The following CDH13 variants were observed in gnomAD, a reference collection of about 807,000 sequenced individuals.
CDH13 encodes the protein cadherin 13, also known as cadherin-13.
A neutral mutation model predicts 63.8 loss-of-function variants in CDH13; 24 were observed. The ratio of observed to expected loss-of-function variants is 0.38; its 90% CI spans 0.27 to 0.53. CDH13 has a LOEUF of 0.53. CDH13 is among the 20% of genes least tolerant of loss of function. The pLI, the probability that CDH13 is intolerant of heterozygous loss-of-function variation, is 0.85. For synonymous variants in CDH13, 503 were observed against 355.3 expected (o/e 1.42, Z -4.67); for missense variants, 1,049 against 903.1 (o/e 1.16, Z -2.07).
chr16:83,625,154 C>CTG (rs150355903), intron 8 of CDH13, among the ~76,000 whole-genome samples: 2 of 149,614 alleles, frequency 1.3e-5, no homozygotes, highest in South Asian at 2.1e-4. Flanking sequence ...TAAAGAAACT[C>CTG]TGTGTGTGTG....
rs940469850 is a variant in CDH13 at position 83,047,345 on chromosome 16, G to C, written c.366+15127G>C. ...GCATTGTCCATTCTCGTAAACCGTGGTTAACACAGATAATTGAGACTTGAG... is the reference window on the plus strand; with the variant it reads ...GCATTGTCCATTCTCGTAAACCGTGCTTAACACAGATAATTGAGACTTGAG... On this transcript the variant is annotated intron_variant, in intron 3 of 13. Coordinates refer to ENST00000567109, the MANE Select transcript of CDH13 (RefSeq NM_001257.5). This position sits in a 1 kb window ranked among gnomAD's most constrained non-coding sequence, Gnocchi z 4.9. Among the ~76,000 whole-genome samples the C allele has an allele frequency of 6.6e-6, 1 of 152,110 alleles. No homozygotes were observed. The highest frequency in any genetic ancestry group is 2.4e-5 in the African/African-American group (1 of 41,404).
intron 3 of CDH13, among the ~76,000 whole-genome samples, chr16:83,086,006 C>T (rs1792823557): frequency 6.6e-6 from 1 of 152,206 alleles, no homozygotes; most frequent in Non-Finnish European, 1.5e-5. Flanking sequence ...CAAATCAGCA[C>T]AGCCTTCTAC....
chr16:83,774,386 T>C (rs1430195211), intron 11 of CDH13, among the ~76,000 whole-genome samples: 1 of 152,254 alleles, frequency 6.6e-6, no homozygotes, highest in East Asian at 1.9e-4. Context: ...TTTTTTTTTT[T>C]CTTTGAGACA....
At chr16:83,412,742 C>T (rs998585060) in intron 6 of CDH13, among the ~76,000 whole-genome samples, 1 of 152,180 alleles carries the variant, frequency 6.6e-6, no homozygotes, top group Non-Finnish European at 1.5e-5. Flanking sequence ...AAGTCATGAG[C>T]CCCCTTAAGA....
chr16:83,055,567 AG>A (rs2030839070), intron 3 of CDH13, among the ~76,000 whole-genome samples: 1 of 151,992 alleles, frequency 6.6e-6, no homozygotes, highest in African/African-American at 2.4e-5. Flanking sequence ...CCAAAAAAAA[AG>A]AAATATAAAA....
At chr16:83,197,147 T>A (rs1161317155) in intron 4 of CDH13, among the ~76,000 whole-genome samples, 2 of 152,252 alleles carry the variant, frequency 1.3e-5, no homozygotes, top group East Asian at 3.9e-4. Context: ...CTTGGAAGAA[T>A]CTCCAGGGAA....
intron 5 of CDH13, among the ~76,000 whole-genome samples, chr16:83,255,580 G>C (rs144330003): frequency 6.6e-6 from 1 of 152,310 alleles, no homozygotes; most frequent in African/African-American, 2.4e-5. Flanking sequence ...TTCTACAAGG[G>C]CTGTGCTGGC....
chr16:83,693,863 C>T (rs1455969283), intron 10 of CDH13, among the ~76,000 whole-genome samples: 5 of 152,176 alleles, frequency 3.3e-5, no homozygotes, highest in African/African-American at 1.2e-4. Context: ...TCACACTATG[C>T]AAATAACACC....
At chr16:83,180,833 C>A (rs28437126) in intron 4 of CDH13, 104,000 of 1,416,772 alleles carry the variant, frequency 0.073, 4,233 homozygotes, top group Middle Eastern at 0.12. Flanking sequence ...ATTTTAATCC[C>A]CAATTTACAA....
intron 5 of CDH13, among the ~76,000 whole-genome samples, chr16:83,329,183 C>T (rs927718694): frequency 6.6e-6 from 1 of 152,134 alleles, no homozygotes; most frequent in Non-Finnish European, 1.5e-5. Context: ...TGCATTCTTG[C>T]AGTTTTCAGA....
chr16:82,639,165 C>T (rs531867966), intron 1 of CDH13, among the ~76,000 whole-genome samples: 2 of 152,246 alleles, frequency 1.3e-5, no homozygotes, highest in African/African-American at 2.4e-5. Flanking sequence ...AAAATTCTTT[C>T]CTTTGTCTAT....
intron 7 of CDH13, among the ~76,000 whole-genome samples, chr16:83,591,305 A>T (rs1386141136): frequency 6.6e-6 from 1 of 152,246 alleles, no homozygotes; most frequent in African/African-American, 2.4e-5. Flanking sequence ...CCAGGTCTAG[A>T]AAACAAAAGC....
chr16:83,379,909 A>ATG (rs1555538663), intron 6 of CDH13, among the ~76,000 whole-genome samples: 44 of 123,906 alleles, frequency 3.6e-4, no homozygotes, highest in East Asian at 1.5e-3. Flanking sequence ...TGTATTATAT[A>ATG]TGTGTGTGTG....
At chr16:82,854,678 C>T (rs141231804) in intron 1 of CDH13, among the ~76,000 whole-genome samples, 1,636 of 152,272 alleles carry the variant, frequency 0.011, 20 homozygotes, top group Middle Eastern at 0.027. Flanking sequence ...TTTGAGATCC[C>T]AGCAGAAATG....
intron 4 of CDH13, among the ~76,000 whole-genome samples, chr16:83,137,979 G>GTGTGA (rs1295410329): frequency 1.3e-5 from 2 of 152,090 alleles, no homozygotes; most frequent in African/African-American, 4.8e-5. Context: ...AAGACGTGAT[G>GTGTGA]TGAGTCTGGG....
chr16:82,998,031 T>G (rs1411647589), intron 2 of CDH13, among the ~76,000 whole-genome samples: 1 of 151,934 alleles, frequency 6.6e-6, no homozygotes, highest in Non-Finnish European at 1.5e-5. Flanking sequence ...AATCTCAGAG[T>G]TGAGCACTCA....
At chr16:82,836,172 A>T (rs1389541208) in intron 1 of CDH13, among the ~76,000 whole-genome samples, 2 of 152,012 alleles carry the variant, frequency 1.3e-5, no homozygotes, top group Non-Finnish European at 2.9e-5. Flanking sequence ...TGTTGCCCAG[A>T]CTGGAGTGCA....
At chr16:82,958,888 T>A (rs1365127491) in intron 2 of CDH13, among the ~76,000 whole-genome samples, 2 of 152,248 alleles carry the variant, frequency 1.3e-5, no homozygotes, top group Non-Finnish European at 1.5e-5. Flanking sequence ...ACCTTCCACC[T>A]GGGAAGATGT....
intron 1 of CDH13, among the ~76,000 whole-genome samples, chr16:82,800,991 C>G (rs1237545167): frequency 2.0e-5 from 3 of 152,166 alleles, no homozygotes; most frequent in Admixed American, 1.3e-4. Flanking sequence ...TCTTGAAACT[C>G]AAAAGCAGCA....
Sources: gnomAD v4.1 joint callset for allele counts (sites outside exome capture counted in the v4.1 genomes callset) on GRCh38, gnomAD v4.1.1 for gene constraint, Gnocchi (gnomAD v3.1) non-coding constraint, MANE v1.5 for transcripts, NCBI Gene and HGNC (gene_info 2026-07-23, HGNC 2026-07-21) for gene names.